Variants in ZHX2 observed in about 807,000 individuals in gnomAD.
The protein encoded by ZHX2 is zinc fingers and homeoboxes protein 2.
In ZHX2, 6 loss-of-function variants were observed where a neutral mutation model predicts 21.9. The ratio of observed to expected loss-of-function variants is 0.27; its 90% confidence interval spans 0.15 to 0.54. The LOEUF is 0.54. Ranked by LOEUF, ZHX2 falls within the 20% of genes least tolerant of loss-of-function variation. ZHX2 has a pLI of 0.95. For missense variants in ZHX2, 908 were observed against 1,090.7 expected (o/e 0.83, Z 2.36); for synonymous variants, 434 against 437.1 (o/e 0.99, Z 0.09).
At chr8:122,882,662 C>A (rs1282222736) in intron 2 of ZHX2, among the ~76,000 whole-genome samples, 2 of 152,152 alleles carry the variant, frequency 1.3e-5, no homozygotes, top group Admixed American at 6.6e-5. Flanking sequence ...TTCCATCACA[C>A]CCCAGCCAGG....
chr8:122,824,558 TG>T (rs1423799535), intron 1 of ZHX2, among the ~76,000 whole-genome samples: 1 of 152,192 alleles, frequency 6.6e-6, no homozygotes, highest in Non-Finnish European at 1.5e-5. Context: ...GTGTCAGAAC[TG>T]GAATGTACCT....
At chr8:122,789,134 G>T (rs1004201847) in intron 1 of ZHX2, among the ~76,000 whole-genome samples, 9 of 152,214 alleles carry the variant, frequency 5.9e-5, no homozygotes, top group Non-Finnish European at 1.0e-4. Context: ...GGGGGAAGGG[G>T]GTGGAGGAAG....
chr8:122,836,474 G>C (rs1217008011), intron 1 of ZHX2, among the ~76,000 whole-genome samples: 1 of 152,154 alleles, frequency 6.6e-6, no homozygotes, highest in African/African-American at 2.4e-5. Flanking sequence ...TCTTGTATCG[G>C]TTCGAACCCG....
At chr8:122,919,725 C>G (rs796471124) in intron 2 of ZHX2, among the ~76,000 whole-genome samples, 10 of 152,252 alleles carry the variant, frequency 6.6e-5, no homozygotes, top group African/African-American at 2.4e-4. Context: ...ATACAGGGCC[C>G]AAAAGTATGT....
intron 2 of ZHX2, among the ~76,000 whole-genome samples, chr8:122,882,224 A>G (rs891439059): frequency 6.6e-6 from 1 of 152,072 alleles, no homozygotes; most frequent in Non-Finnish European, 1.5e-5. Flanking sequence ...AACTTAGGCA[A>G]GCTTTGCACT....
Position 122,936,052 on chromosome 8 carries a change from G to A in ZHX2, c.-219-15240G>A, listed in dbSNP as rs548238081. 1.3e-3 allele frequency among the ~76,000 whole-genome samples: 202 copies of A among 152,282 alleles called. 1 individual carries two copies. The highest frequency in any genetic ancestry group is 2.7e-3 in the South Asian group (13 of 4,822). On this transcript the variant is annotated intron_variant, in intron 2 of 3. Coordinates refer to ENST00000314393, the MANE Select transcript of ZHX2 (RefSeq NM_014943.5). ...TGAATGAATGAATGGACAAATGAAC[G>A]AGTGAATGCCTGAGCTATGTTTATA... is the stretch of plus-strand genomic sequence containing the variant.
chr8:122,780,543 T>C (rs562175423), upstream of ZHX2: 2 of 152,376 alleles, frequency 1.3e-5, no homozygotes, highest in Non-Finnish European at 2.9e-5. Flanking sequence ...TCCCGAAGTG[T>C]ACCCAGATCC....
chr8:122,946,045 G>GTC (rs1812968483), intron 2 of ZHX2, among the ~76,000 whole-genome samples: 1 of 152,220 alleles, frequency 6.6e-6, no homozygotes, highest in Non-Finnish European at 1.5e-5. Flanking sequence ...ACCACGACTT[G>GTC]CAACAGGTCT....
intron 1 of ZHX2, among the ~76,000 whole-genome samples, chr8:122,803,413 C>G (rs760546830): frequency 1.3e-5 from 2 of 152,212 alleles, no homozygotes; most frequent in Non-Finnish European, 2.9e-5. Context: ...AAGACGCCTT[C>G]TCTGAAGCAC....
At chr8:122,789,707 T>G (rs940085772) in intron 1 of ZHX2, among the ~76,000 whole-genome samples, 2 of 152,216 alleles carry the variant, frequency 1.3e-5, no homozygotes, top group Non-Finnish European at 2.9e-5. Context: ...GAGACTGCCC[T>G]CTGGCCAAGA....
At chr8:122,841,398 T>TC (rs1312305614) in intron 1 of ZHX2, among the ~76,000 whole-genome samples, 2 of 152,120 alleles carry the variant, frequency 1.3e-5, no homozygotes, top group Non-Finnish European at 2.9e-5. Context: ...CCTAGAGATC[T>TC]CCCTATCCAC....
chr8:122,798,470 T>C (rs1817655804), intron 1 of ZHX2, among the ~76,000 whole-genome samples: 1 of 152,196 alleles, frequency 6.6e-6, no homozygotes, highest in Middle Eastern at 3.4e-3. Flanking sequence ...TCTGAATACA[T>C]TGCATGGGGC....
rs569911401 is a variant in ZHX2 at position 122,931,090 on chromosome 8, G to C, written c.-219-20202G>C. Reference sequence around the variant, plus strand: ...GCCTATGTACCTTTGCATGGGCCTTGATACCTCTCTGATCCTTATAAAATG... The same window carrying C: ...GCCTATGTACCTTTGCATGGGCCTTCATACCTCTCTGATCCTTATAAAATG... On this transcript the variant is annotated intron_variant, in intron 2 of 3. Coordinates refer to ENST00000314393, the MANE Select transcript of ZHX2 (RefSeq NM_014943.5). 1.4e-4 allele frequency among the ~76,000 whole-genome samples: 21 copies of C among 152,284 alleles called. No homozygotes were observed. In the South Asian group the frequency reaches 1.9e-3, roughly 14 times the overall value.
chr8:122,825,860 T>C (rs962445318), intron 1 of ZHX2, among the ~76,000 whole-genome samples: 1 of 152,162 alleles, frequency 6.6e-6, no homozygotes, highest in African/African-American at 2.4e-5. Context: ...CCTAAATTAA[T>C]GTATTCCATC....
chr8:122,833,996 C>CA (rs71310629), intron 1 of ZHX2, among the ~76,000 whole-genome samples: 64,431 of 141,142 alleles, frequency 0.46, 15,739 homozygotes, highest in Admixed American at 0.58. Flanking sequence ...GACTCCGTCT[C>CA]AAAAAAAAAA....
At chr8:122,957,702 C>T (rs1234081058) in intron 3 of ZHX2, among the ~76,000 whole-genome samples, 1 of 152,100 alleles carries the variant, frequency 6.6e-6, no homozygotes, top group African/African-American at 2.4e-5. Flanking sequence ...AACTCCTGAC[C>T]TCAGGTGATC....
chr8:122,885,528 C>T (rs1159597486), intron 2 of ZHX2, among the ~76,000 whole-genome samples: 1 of 152,056 alleles, frequency 6.6e-6, no homozygotes, highest in African/African-American at 2.4e-5. Context: ...CATAACAGCA[C>T]TGACAATAAC....
intron 2 of ZHX2, among the ~76,000 whole-genome samples, chr8:122,875,781 C>A (rs530212047): frequency 6.6e-6 from 1 of 152,238 alleles, no homozygotes; most frequent in Non-Finnish European, 1.5e-5. Context: ...AGGATTGGAA[C>A]GTAGGCAGCC....
Position 122,953,952 on chromosome 8 carries a change from T to C in ZHX2, c.2442T>C (p.Ala814=). The change falls in exon 3 of 4, where the codon GCT becomes GCC. Residue 814 remains alanine, a synonymous_variant. Coordinates refer to ENST00000314393, the MANE Select transcript of ZHX2 (RefSeq NM_014943.5). This position sits in a 1 kb window ranked among gnomAD's most constrained non-coding sequence, Gnocchi z 4.6. ...ISDRSDSWSQ[A]AAEGVSELAE... ...ATAGATCAGATAGCTGGAGTCAGGCTGCGGCAGAAGGTGTGTCGGAACTGG... is the reference window on the plus strand; with the variant it reads ...ATAGATCAGATAGCTGGAGTCAGGCCGCGGCAGAAGGTGTGTCGGAACTGG... The C allele has an allele frequency of 6.2e-7, 1 of 1,614,110 alleles. No individual in the cohort carries two copies. The highest frequency in any genetic ancestry group is 8.5e-7 in the Non-Finnish European group (1 of 1,179,998).
Sources: allele counts gnomAD v4.1 joint callset (sites outside exome capture counted in the v4.1 genomes callset), GRCh38; gene constraint gnomAD v4.1.1; non-coding constraint Gnocchi (gnomAD v3.1); transcripts MANE v1.5; gene names NCBI Gene and HGNC (gene_info 2026-07-23, HGNC 2026-07-21).